Variants in ROBO1 observed in about 807,000 individuals in gnomAD.
The protein encoded by ROBO1 is roundabout homolog 1.
Under a neutral mutation model 195.9 loss-of-function variants are expected in ROBO1, and 149 were observed. The observed-to-expected ratio is 0.76, with a 90% CI of 0.67 to 0.87. The LOEUF is 0.87. Ranked by LOEUF, ROBO1 falls within the 40% of genes least tolerant of loss-of-function variation. The pLI is 0.00. For synonymous variants in ROBO1, 816 were observed against 733.2 expected, an observed-to-expected ratio of 1.11 and a Z score of -1.82; for missense variants, 1,933 against 2,068.3, an observed-to-expected ratio of 0.93 and a Z score of 1.27.
chr3:79,598,480 A>T (rs1053952289), intron 1 of ROBO1, among the ~76,000 whole-genome samples: 1 of 152,034 alleles, frequency 6.6e-6, no homozygotes, highest in African/African-American at 2.4e-5. Flanking sequence ...CACTTTAAAA[A>T]CTTTAAAAAG....
At chr3:79,362,929 G>A (rs2035824567) in intron 2 of ROBO1, among the ~76,000 whole-genome samples, 1 of 152,102 alleles carries the variant, frequency 6.6e-6, no homozygotes, top group Non-Finnish European at 1.5e-5. Flanking sequence ...ATTGCTCTTA[G>A]AGGAATTCAA....
At chr3:79,533,685 G>T (rs909036856) in intron 2 of ROBO1, among the ~76,000 whole-genome samples, 5 of 152,050 alleles carry the variant, frequency 3.3e-5, no homozygotes, top group Middle Eastern at 3.2e-3. Flanking sequence ...AAATGTTTTT[G>T]CCTCTGCCCC....
intron 10 of ROBO1, among the ~76,000 whole-genome samples, chr3:78,680,163 C>A (rs1408621477): frequency 6.6e-6 from 1 of 152,158 alleles, no homozygotes; most frequent in South Asian, 2.1e-4. Flanking sequence ...CTTCCTTACA[C>A]CTTATACAAA....
chr3:78,986,819 A>G (rs564244811), intron 3 of ROBO1, among the ~76,000 whole-genome samples: 36 of 152,152 alleles, frequency 2.4e-4, no homozygotes, highest in Non-Finnish European at 4.1e-4. Context: ...AACACCCCTT[A>G]GTCTCCTTTG....
At chr3:79,502,218 G>C (rs1008171834) in intron 2 of ROBO1, among the ~76,000 whole-genome samples, 1 of 152,206 alleles carries the variant, frequency 6.6e-6, no homozygotes, top group African/African-American at 2.4e-5. Context: ...GCGGGCCAAG[G>C]CCAGAGCCCG....
chr3:79,303,159 G>GTTTTTTTTTTTTTTTTTTTTT lies in ROBO1; in HGVS notation c.89-177621_89-177620insAAAAAAAAAAAAAAAAAAAAA, dbSNP rs368110549. On this transcript the variant is annotated intron_variant, in intron 2 of 30. Transcript: ENST00000464233. ...ATTAATATATGAATTATCTCACATA[G>GTTTTTTTTTTTTTTTTTTTTT]GTTTTTTTTTTTTTTTTTTTTTTTG... Among the ~76,000 whole-genome samples the GTTTTTTTTTTTTTTTTTTTTT allele has an allele frequency of 1.1e-4, 8 of 72,090 alleles. 4 individuals carry two copies. The highest frequency in any genetic ancestry group is 2.6e-4 in the African/African-American group (4 of 15,670). 47.3% of individuals were successfully genotyped at this position (72,090 alleles called of 152,430 possible). A position where few individuals can be genotyped will look rare whatever the true frequency, so the allele number is the denominator to read the frequency against.
intron 1 of ROBO1, among the ~76,000 whole-genome samples, chr3:79,659,647 C>A (rs1291575690): frequency 6.6e-6 from 1 of 151,810 alleles, no homozygotes; most frequent in Non-Finnish European, 1.5e-5. Context: ...TTTTATAGAC[C>A]TCACAGAAAA....
chr3:79,123,403 T>A (rs1403178497), intron 3 of ROBO1, among the ~76,000 whole-genome samples: 2 of 152,008 alleles, frequency 1.3e-5, no homozygotes, highest in African/African-American at 4.8e-5. Flanking sequence ...CTATTACTCC[T>A]CAACTATATA....
intron 3 of ROBO1, among the ~76,000 whole-genome samples, chr3:78,983,149 A>G (rs1217323928): frequency 6.6e-6 from 1 of 152,146 alleles, no homozygotes; most frequent in African/African-American, 2.4e-5. Context: ...AAATAAAGTG[A>G]GTTTTTACAT....
intron 4 of ROBO1, among the ~76,000 whole-genome samples, chr3:78,857,028 C>T (rs1454015464): frequency 1.3e-5 from 2 of 152,020 alleles, no homozygotes; most frequent in African/African-American, 4.8e-5. Flanking sequence ...ACAAGTCAGT[C>T]TTTAAAACAA....
At chr3:78,681,175 G>A (rs2080896112) in intron 10 of ROBO1, among the ~76,000 whole-genome samples, 1 of 151,452 alleles carries the variant, frequency 6.6e-6, no homozygotes, top group Admixed American at 6.6e-5. Flanking sequence ...ACACTCTGGG[G>A]ACTGTTGTGG....
rs376085725 is a variant in ROBO1 at position 79,554,054 on chromosome 3, TTA to T, written c.88+35768_88+35769del. Among the ~76,000 whole-genome samples the T allele has an allele frequency of 4.1e-3, 628 of 152,174 alleles. 2 individuals carry two copies. The highest frequency in any genetic ancestry group is 0.013 in the African/African-American group (540 of 41,562). On this transcript the variant is annotated intron_variant, in intron 2 of 30. Coordinates refer to ENST00000464233, the MANE Select transcript of ROBO1 (RefSeq NM_002941.4). ...TATAATAGGTGAATAATAATGATGG[TTA>T]TATGTCATTTCATACCAACATAATT...
chr3:79,391,849 T>C (rs1446387338), intron 2 of ROBO1, among the ~76,000 whole-genome samples: 2 of 152,176 alleles, frequency 1.3e-5, no homozygotes, highest in Admixed American at 6.5e-5. Context: ...TCAAACAAAG[T>C]TCTTATGATA....
chr3:78,825,221 C>A (rs2031475087), intron 4 of ROBO1, among the ~76,000 whole-genome samples: 1 of 152,124 alleles, frequency 6.6e-6, no homozygotes, highest in South Asian at 2.1e-4. Flanking sequence ...GAAAAAGTTA[C>A]CCCGATAGTA....
chr3:79,495,727 T>C (rs1939693624), intron 2 of ROBO1, among the ~76,000 whole-genome samples: 1 of 152,206 alleles, frequency 6.6e-6, no homozygotes, highest in South Asian at 2.1e-4. Flanking sequence ...TTAGAAGTAC[T>C]ATTGAAAATG....
At chr3:78,639,944 G>T in intron 21 of ROBO1, 46 bp from the exon 22 acceptor site, 2 of 1,335,192 alleles carry the variant, frequency 1.5e-6, no homozygotes, top group South Asian at 1.5e-5. Context: ...TGAATAGAGA[G>T]TAATATTTTC....
chr3:79,394,630 T>C (rs1003867330), intron 2 of ROBO1, among the ~76,000 whole-genome samples: 13 of 152,084 alleles, frequency 8.5e-5, no homozygotes, highest in Admixed American at 2.6e-4. Flanking sequence ...TTCTATTCCA[T>C]ATGCATTTTT....
intron 5 of ROBO1, among the ~76,000 whole-genome samples, chr3:78,721,195 C>T (rs545756646): frequency 1.7e-4 from 26 of 152,214 alleles, no homozygotes; most frequent in African/African-American, 5.8e-4. Flanking sequence ...GCTTAATAAA[C>T]TTGAGTTTAA....
intron 2 of ROBO1, among the ~76,000 whole-genome samples, chr3:79,341,494 C>CTTT (rs144363975): frequency 2.7e-5 from 4 of 148,002 alleles, no homozygotes; most frequent in African/African-American, 9.9e-5. Flanking sequence ...ACCACTGGTT[C>CTTT]TTTTTTTTTT....
Sources: allele counts gnomAD v4.1 joint callset (sites outside exome capture counted in the v4.1 genomes callset), GRCh38; gene constraint gnomAD v4.1.1; transcripts MANE v1.5; gene names NCBI Gene and HGNC (gene_info 2026-07-23, HGNC 2026-07-21).